The following BANP variants were observed in gnomAD, a reference collection of about 807,000 sequenced individuals.
BANP encodes BTG3 associated nuclear protein.
A neutral mutation model predicts 68.1 loss-of-function variants in BANP; 11 were observed. That is an observed-to-expected ratio of 0.16 (90% CI 0.10 to 0.27). The LOEUF (loss-of-function observed/expected upper bound fraction) is 0.27. BANP is among the 10% of genes least tolerant of loss of function. The pLI is 1.00. For missense variants in BANP, 504 were observed against 722.7 expected, an observed-to-expected ratio of 0.70 and a Z score of 3.47; for synonymous variants, 329 against 303.2, an observed-to-expected ratio of 1.09 and a Z score of -0.88.
At chr16:88,019,752 C>T (rs2075613020) in intron 7 of BANP, among the ~76,000 whole-genome samples, 2 of 150,832 alleles carry the variant, frequency 1.3e-5, no homozygotes, top group Non-Finnish European at 3.0e-5. Flanking sequence ...CCAGCTGTTC[C>T]AGCAGGAAAG....
At chr16:88,066,542 C>T (rs1396193371) in intron 12 of BANP, among the ~76,000 whole-genome samples, 1 of 152,196 alleles carries the variant, frequency 6.6e-6, no homozygotes, top group Admixed American at 6.5e-5. Context: ...GTGCCTCCTG[C>T]TCCTTTTGCC....
At chr16:88,046,274 G>A (rs1436778074) in intron 11 of BANP, among the ~76,000 whole-genome samples, 13 of 152,318 alleles carry the variant, frequency 8.5e-5, no homozygotes, top group South Asian at 8.3e-4. Context: ...TTAAAACTGC[G>A]TACTCAAAGC....
In BANP at chr16:87,957,923, T is replaced by C. The variant is rs140659899; in HGVS notation, c.-69+6408T>C. ...CAAGTGAGCTCAGCTCTTGTGTCGG[T>C]GGGAGCTGGCGGTGGGTCCCTGAGC... is the stretch of plus-strand genomic sequence containing the variant. On this transcript the variant is annotated intron_variant, in intron 1 of 13. Coordinates refer to ENST00000682872, the MANE Select transcript of BANP (RefSeq NM_001386991.1). The surrounding 1 kb of genome is among the most constrained non-coding windows in gnomAD (Gnocchi z 4.3). Among the ~76,000 whole-genome samples the C allele has an allele frequency of 6.6e-6, 1 of 152,078 alleles. No individual in the cohort carries two copies. Among genetic ancestry groups the C allele is most frequent in the Non-Finnish European group, 1.5e-5 (1 of 68,000 alleles).
At chr16:87,987,024 A>G (rs964383268) in intron 4 of BANP, among the ~76,000 whole-genome samples, 1 of 152,248 alleles carries the variant, frequency 6.6e-6, no homozygotes, top group African/African-American at 2.4e-5. Flanking sequence ...GGATAAAAGT[A>G]TATTCTATTT....
chr16:87,987,721 A>AAAAAAAAAAAAG lies in BANP; in HGVS notation c.362+3473_362+3474insGAAAAAAAAAAA, dbSNP rs2064828302. Reference sequence around the variant, plus strand: ...GAGCGAGACCCTAACTCAAAAAAAAAAAAAAAAAAAAAAAAAAAGGATGTT... The same window carrying AAAAAAAAAAAAG: ...GAGCGAGACCCTAACTCAAAAAAAAAAAAAAAAAAAAGAAAAAAAAAAAAAAAAAAGGATGTT... On this transcript the variant is annotated intron_variant, in intron 4 of 13. Coordinates refer to ENST00000682872, the MANE Select transcript of BANP (RefSeq NM_001386991.1). Among the ~76,000 whole-genome samples the AAAAAAAAAAAAG allele has an allele frequency of 1.3e-5, 2 of 148,204 alleles. 1 individual carries two copies. The highest frequency in any genetic ancestry group is 3.0e-5 in the Non-Finnish European group (2 of 66,716).
At position 88,036,071 on chromosome 16, in the gene BANP, A is replaced by G. The variant is rs369201712; in HGVS notation, c.1272+677A>G. ...ATGCTCCATGTTTGCATGCCAGAGC[A>G]GGACTGTCTCCCGGGTGACCGTCCT... On this transcript the variant is annotated intron_variant, in intron 10 of 13. Transcript: ENST00000682872. The surrounding 1 kb of genome is among the most constrained non-coding windows in gnomAD (Gnocchi z 4.2). 2.7e-3 allele frequency among the ~76,000 whole-genome samples: 418 copies of G among 152,362 alleles called. 16 individuals carry two copies. The South Asian group carries it at 0.082, about 30-fold the overall frequency.
At chr16:87,994,239 G>A (rs2066625715) in intron 4 of BANP, among the ~76,000 whole-genome samples, 1 of 152,240 alleles carries the variant, frequency 6.6e-6, no homozygotes, top group Admixed American at 6.5e-5. Context: ...CAGTCCTGAC[G>A]CTGCTTCCCT....
chr16:87,975,338 G>T, intron 2 of BANP, 153 bp downstream of exon 2: 1 of 755,756 alleles, frequency 1.3e-6, no homozygotes, highest in Non-Finnish European at 2.2e-6. Flanking sequence ...AACACTGTCG[G>T]CCCCTCCCTT....
Position 88,071,085 on chromosome 16 carries a change from C to T in BANP, c.1378-984C>T, listed in dbSNP as rs916479410. 6.8e-5 allele frequency: 18 copies of T among 266,534 alleles called. No homozygotes were observed. The highest frequency in any genetic ancestry group is 4.6e-4 in the South Asian group (12 of 25,818). 16.5% of individuals were successfully genotyped at this position (266,534 alleles called of 1,614,324 possible). Reference sequence around the variant, plus strand: ...CTGCTGTTGTCCAGGGCAGGTCCCACGGAGGGGATGCTGCGGCCAGGCTCC... The same window carrying T: ...CTGCTGTTGTCCAGGGCAGGTCCCATGGAGGGGATGCTGCGGCCAGGCTCC... On this transcript the variant is annotated intron_variant, in intron 12 of 13. Transcript: ENST00000682872. This position sits in a 1 kb window ranked among gnomAD's most constrained non-coding sequence, Gnocchi z 6.5.
chr16:87,994,769 TAAAAATAAAA>T (rs761969749), intron 4 of BANP, among the ~76,000 whole-genome samples: 4 of 152,030 alleles, frequency 2.6e-5, no homozygotes, highest in Non-Finnish European at 5.9e-5. Flanking sequence ...ACCCCGTGTA[TAAAAATAAAA>T]TAAAATAAAA....
At chr16:88,035,746 G>T (rs537579907) in intron 10 of BANP, among the ~76,000 whole-genome samples, 1 of 152,318 alleles carries the variant, frequency 6.6e-6, no homozygotes, top group South Asian at 2.1e-4. Flanking sequence ...GATGGGGTCT[G>T]CCCCTGCGTA....
At chr16:88,066,232 G>A (rs190972822) in intron 12 of BANP, among the ~76,000 whole-genome samples, 51 of 152,326 alleles carry the variant, frequency 3.3e-4, no homozygotes, top group African/African-American at 1.2e-3. Context: ...ACTCTGAGAT[G>A]AGGTTCACCA....
At chr16:87,967,448 G>A (rs944575423) in intron 1 of BANP, among the ~76,000 whole-genome samples, 2 of 151,414 alleles carry the variant, frequency 1.3e-5, no homozygotes, top group Non-Finnish European at 2.9e-5. Context: ...TTATTTTATT[G>A]TTTTTTGGTT....
Position 88,027,716 on chromosome 16 carries a change from CAG to C in BANP, c.1063+67_1063+68del, listed in dbSNP as rs1220472017. The C allele has an allele frequency of 2.2e-5, 35 of 1,575,946 alleles. No homozygotes were observed. In the Admixed American group the frequency reaches 5.9e-4, roughly 26 times the overall value. On this transcript the variant is annotated intron_variant, in intron 8 of 13. Transcript: ENST00000682872. ...GGGGCAGCTGGCCTGGTGGCACCCT[CAG>C]GGGCAGCCAGTGCGTGGCCAGCGGC...
intron 4 of BANP, among the ~76,000 whole-genome samples, chr16:87,998,573 CGGCTGG>C (rs2067958884): frequency 2.5e-5 from 2 of 79,830 alleles, no homozygotes; most frequent in African/African-American, 3.7e-5. Context: ...CGCACGTGCG[CGGCTGG>C]ACTCACCTGT....
intron 1 of BANP, among the ~76,000 whole-genome samples, chr16:87,954,687 C>G (rs1017381815): frequency 2.0e-5 from 3 of 152,246 alleles, no homozygotes; most frequent in Non-Finnish European, 4.4e-5. Context: ...CCGCAGGGCT[C>G]TGCGAGGCTT....
intron 11 of BANP, among the ~76,000 whole-genome samples, chr16:88,063,808 CA>C (rs1029806718): frequency 1.3e-5 from 2 of 152,178 alleles, no homozygotes; most frequent in African/African-American, 4.8e-5. Context: ...GGAAGAATTA[CA>C]GTGTCAGAAA....
chr16:87,978,909 A>G (rs1272653151), intron 2 of BANP, among the ~76,000 whole-genome samples: 5 of 152,250 alleles, frequency 3.3e-5, no homozygotes, highest in African/African-American at 1.2e-4. Flanking sequence ...CAGGGCGGCC[A>G]CAGTGTGGTC....
rs1482170047 is a variant in BANP at position 88,051,929 on chromosome 16, G to C, written c.1312-13338G>C. The stretch of plus-strand genomic sequence containing the variant: ...CATCTCATTTGTTTGAGGAGTTTAA[G>C]AAAATAAAGTGAAGACCTAAACATT... On this transcript the variant is annotated intron_variant, in intron 11 of 13. Transcript: ENST00000682872. 2.0e-5 allele frequency among the ~76,000 whole-genome samples: 3 copies of C among 152,218 alleles called. No individual in the cohort carries two copies. In the East Asian group the frequency reaches 5.8e-4, roughly 29 times the overall value.
Sources: gnomAD v4.1 joint callset for allele counts (sites outside exome capture counted in the v4.1 genomes callset) on GRCh38, gnomAD v4.1.1 for gene constraint, Gnocchi (gnomAD v3.1) non-coding constraint, MANE v1.5 for transcripts, NCBI Gene and HGNC (gene_info 2026-07-23, HGNC 2026-07-21) for gene names.